DNAAF1: variants seen among roughly 807,000 people sequenced by gnomAD.
DNAAF1 encodes the protein dynein axonemal assembly factor 1.
Under a neutral mutation model 71.1 loss-of-function variants are expected in DNAAF1, and 65 were observed. The ratio of observed to expected loss-of-function variants is 0.91; its 90% CI spans 0.75 to 1.12. DNAAF1 has a LOEUF of 1.12. Ranked by LOEUF, DNAAF1 falls within the 50% of genes most tolerant of loss-of-function variation. The probability of loss-of-function intolerance (pLI) is 0.00; values close to 1 mark genes in which losing one functional copy is unlikely to be tolerated. For synonymous variants in DNAAF1, 414 were observed against 354.6 expected, an observed-to-expected ratio of 1.17 and a Z score of -1.88; for missense variants, 1,178 against 899.8, an observed-to-expected ratio of 1.31 and a Z score of -3.96.
Position 84,161,745 on chromosome 16 carries a change from CA to C in DNAAF1, c.863+1950del, listed in dbSNP as rs545540648. 1.1e-3 allele frequency among the ~76,000 whole-genome samples: 171 copies of C among 151,842 alleles called. 4 individuals are homozygous for C. The South Asian group carries it at 0.033, about 29-fold the overall frequency. On this transcript the variant is annotated intron_variant, in intron 6 of 11. Coordinates refer to ENST00000378553, the MANE Select transcript of DNAAF1 (RefSeq NM_178452.6). ...GCACTTGCTGTCATCTAGGATGCAG[CA>C]GGTATCTGCTCATCTGTCGTTTTAT...
chr16:84,146,728 G>C lies in DNAAF1; in HGVS notation c.124+1164G>C, dbSNP rs546985285. Among the ~76,000 whole-genome samples the C allele has an allele frequency of 2.0e-5, 3 of 151,772 alleles. No individual in the cohort carries two copies. The South Asian group carries it at 6.3e-4, about 32-fold the overall frequency. ...CCACTGCACCCCAGCCTGGGCAATG[G>C]AGCAAGACTCCGTCTCAAAAAAAAA... On this transcript the variant is annotated intron_variant, in intron 1 of 11. Coordinates refer to ENST00000378553, the MANE Select transcript of DNAAF1 (RefSeq NM_178452.6).
At chr16:84,147,299 G>T (rs888293044) in intron 1 of DNAAF1, among the ~76,000 whole-genome samples, 1 of 152,076 alleles carries the variant, frequency 6.6e-6, no homozygotes. Flanking sequence ...AAATTGATGA[G>T]TTTAAGAACC....
At chr16:84,149,218 A>C (rs1269862381) in intron 2 of DNAAF1, 76 bp downstream of exon 2, 1 of 1,570,080 alleles carries the variant, frequency 6.4e-7, no homozygotes, top group African/African-American at 1.4e-5. Flanking sequence ...TGTACGGATA[A>C]TGAAATAGAG....
intron 9 of DNAAF1, chr16:84,172,971 T>C: frequency 1.0e-6 from 1 of 1,000,844 alleles, no homozygotes; most frequent in Non-Finnish European, 1.2e-6. Context: ...CCCACAAGAA[T>C]GGTACCATGG....
At position 84,145,314 on chromosome 16, in the gene DNAAF1, A is replaced by G; in HGVS notation, c.-127A>G. 6.7e-7 allele frequency: 1 copy of G among 1,485,944 alleles called. No individual in the cohort carries two copies. Among genetic ancestry groups the G allele is most frequent in the South Asian group, 1.2e-5 (1 of 82,204 alleles). 92.0% of individuals were successfully genotyped at this position (1,485,944 alleles called of 1,614,324 possible). On this transcript the variant is annotated 5_prime_UTR_variant, in exon 1 of 12. Coordinates refer to ENST00000378553, the MANE Select transcript of DNAAF1 (RefSeq NM_178452.6). ...ACCGGGGAAGCGTTGGGCTGTAAAG[A>G]CTAGGGCGCCAGCGGCTGGCGAAGA...
At chr16:84,155,888 T>G in intron 5 of DNAAF1, 139 bp downstream of exon 5, 1 of 1,160,866 alleles carries the variant, frequency 8.6e-7, no homozygotes, top group Admixed American at 2.0e-5. Context: ...TCTTTGTGTT[T>G]TTAGCTGGAG....
At chr16:84,158,978 A>T in intron 5 of DNAAF1, 2 of 967,472 alleles carry the variant, frequency 2.1e-6, no homozygotes, top group Non-Finnish European at 2.5e-6. Context: ...TGATCCACCC[A>T]CCTCAGCCTC....
chr16:84,173,540 A>G (rs1385439400), intron 9 of DNAAF1: 2 of 982,716 alleles, frequency 2.0e-6, no homozygotes, highest in Non-Finnish European at 1.2e-6. Context: ...CTATGTAAAA[A>G]AAAGAAACAA....
At chr16:84,156,762 G>A (rs973367953) in intron 5 of DNAAF1, among the ~76,000 whole-genome samples, 1 of 151,964 alleles carries the variant, frequency 6.6e-6, no homozygotes, top group African/African-American at 2.4e-5. Context: ...TGCAGTTCAT[G>A]CAGAAAAGGC....
At chr16:84,171,267 C>A (rs970571655) in intron 8 of DNAAF1, among the ~76,000 whole-genome samples, 1 of 152,080 alleles carries the variant, frequency 6.6e-6, no homozygotes, top group Non-Finnish European at 1.5e-5. Context: ...GAGAAGCCCC[C>A]TTCCCCGCAA....
chr16:84,155,373 C>T (rs566536310), intron 4 of DNAAF1, among the ~76,000 whole-genome samples: 2 of 152,276 alleles, frequency 1.3e-5, no homozygotes, highest in African/African-American at 4.8e-5. Flanking sequence ...AGACCACAGG[C>T]ATGTGCCACC....
intron 1 of DNAAF1, among the ~76,000 whole-genome samples, chr16:84,146,213 A>G (rs572258265): frequency 6.6e-6 from 1 of 152,286 alleles, no homozygotes; most frequent in African/African-American, 2.4e-5. Context: ...CCCAACTTTG[A>G]TGCTTTAAAT....
In DNAAF1 at chr16:84,154,782, G is replaced by C; in HGVS notation, c.558G>C (p.Lys186Asn). The change falls in exon 4 of 12, where the codon AAG becomes AAC. Residue 186 changes from lysine (K) to asparagine (N), a missense_variant. Transcript: ENST00000378553. The part of the protein sequence containing the change: ...DALNLSNNYI[K>N]TIENLSCLPV... ...TTAACCTCAGCAACAATTACATCAA[G>C]ACCATTGAAAACCTCTGTAAGGGTA... 2 of 1,614,024 alleles carry C rather than the reference G, an allele frequency of 1.2e-6. No homozygotes were observed. Among genetic ancestry groups the C allele is most frequent in the Non-Finnish European group, 1.7e-6 (2 of 1,179,912 alleles).
chr16:84,160,694 G>A (rs922559800), intron 6 of DNAAF1, among the ~76,000 whole-genome samples: 2 of 151,528 alleles, frequency 1.3e-5, no homozygotes, highest in African/African-American at 4.8e-5. Context: ...CAGCACTTTG[G>A]GAGGCCAAGG....
At chr16:84,169,718 G>T in intron 7 of DNAAF1, 141 bp from the exon 8 acceptor site, 3 of 1,235,954 alleles carry the variant, frequency 2.4e-6, no homozygotes, top group Middle Eastern at 5.5e-4. Flanking sequence ...ACCGCGCCCA[G>T]CCCCTTGAGG....
chr16:84,172,212 T>C, intron 8 of DNAAF1, 48 bp from the exon 9 acceptor site: 1 of 1,574,532 alleles, frequency 6.4e-7, no homozygotes, highest in African/African-American at 1.3e-5. Context: ...CTCGTCCATC[T>C]GCCTGCCGTG....
intron 4 of DNAAF1, among the ~76,000 whole-genome samples, chr16:84,155,358 G>A (rs148968132): frequency 0.011 from 1,601 of 152,246 alleles, 32 homozygotes; most frequent in African/African-American, 0.037. Context: ...CCTCCCAGGT[G>A]GCTGAGACCA....
intron 5 of DNAAF1, among the ~76,000 whole-genome samples, chr16:84,157,371 A>C (rs1362527571): frequency 6.6e-6 from 1 of 151,800 alleles, no homozygotes. Flanking sequence ...AACAATACAA[A>C]AATTAGCTGG....
chr16:84,176,040 TCTGTCAAATATATTTGCA>T lies in DNAAF1; in HGVS notation c.1807_1824del (p.Leu603_Ala608del), dbSNP rs1567570051. On this transcript the variant is annotated inframe_deletion, in exon 11 of 12. Coordinates refer to ENST00000378553, the MANE Select transcript of DNAAF1 (RefSeq NM_178452.6). The stretch of plus-strand genomic sequence containing the variant: ...TGCTGGAAAACCTCCCCACAGACAC[TCTGTCAAATATATTTGCA>T]GTCTCTAAAGACACCTCAAAGGCGG... The T allele has an allele frequency of 4.3e-6, 7 of 1,614,098 alleles. No homozygotes were observed. Among genetic ancestry groups the T allele is most frequent in the Non-Finnish European group, 5.9e-6 (7 of 1,180,018 alleles).
Sources: allele counts gnomAD v4.1 joint callset (sites outside exome capture counted in the v4.1 genomes callset), GRCh38; gene constraint gnomAD v4.1.1; transcripts MANE v1.5; gene names NCBI Gene and HGNC (gene_info 2026-07-23, HGNC 2026-07-21).